EYA4: variants seen among roughly 807,000 people sequenced by gnomAD.
The protein encoded by EYA4 is EYA transcriptional coactivator and phosphatase 4, also known as protein phosphatase EYA4.
In EYA4, 31 loss-of-function variants were observed where a neutral mutation model predicts 87.9. The observed-to-expected ratio is 0.35, with a 90% CI of 0.27 to 0.48. EYA4 has a LOEUF of 0.48. Ranked by LOEUF, EYA4 falls within the 20% of genes least tolerant of loss-of-function variation. EYA4 has a pLI of 0.99. For missense variants in EYA4, 678 were observed against 761.4 expected (o/e 0.89, Z 1.29); for synonymous variants, 263 against 270.6 (o/e 0.97, Z 0.28).
chr6:133,339,004 A>C (rs936812666), intron 2 of EYA4, among the ~76,000 whole-genome samples: 1 of 152,312 alleles, frequency 6.6e-6, no homozygotes, highest in African/African-American at 2.4e-5. Context: ...TATCGTTATC[A>C]GTAAACCTTA....
chr6:133,375,161 T>C (rs147189095), intron 2 of EYA4, among the ~76,000 whole-genome samples: 2 of 152,076 alleles, frequency 1.3e-5, no homozygotes, highest in African/African-American at 4.8e-5. Flanking sequence ...AGAAAGTGCA[T>C]CTCCAAGTTT....
chr6:133,507,523 C>T (rs1562499563), intron 14 of EYA4, among the ~76,000 whole-genome samples: 1 of 152,156 alleles, frequency 6.6e-6, no homozygotes, highest in Admixed American at 6.5e-5. Flanking sequence ...TATCCCTCTC[C>T]TAGCCCTCCA....
intron 1 of EYA4, among the ~76,000 whole-genome samples, chr6:133,272,607 G>A (rs974477844): frequency 6.6e-6 from 1 of 152,204 alleles, no homozygotes; most frequent in African/African-American, 2.4e-5. Context: ...ATCTGTAGAA[G>A]ATGGTTGGGC....
intron 17 of EYA4, among the ~76,000 whole-genome samples, chr6:133,515,653 G>T (rs1799538245): frequency 7.4e-6 from 1 of 134,814 alleles, no homozygotes; most frequent in Non-Finnish European, 1.6e-5. Context: ...GTGTGTGTGT[G>T]TGTTGGGATG....
chr6:133,439,088 G>T, intron 3 of EYA4, among the ~76,000 whole-genome samples: 1 of 140,734 alleles, frequency 7.1e-6, no homozygotes, highest in African/African-American at 2.6e-5. Flanking sequence ...TCTTTGGGTT[G>T]GGCGAGTCTA....
chr6:133,518,218 T>G (rs1278257812), intron 17 of EYA4, among the ~76,000 whole-genome samples: 1 of 151,772 alleles, frequency 6.6e-6, no homozygotes, highest in African/African-American at 2.4e-5. Context: ...GATGATTACA[T>G]TATTAGATTA....
intron 3 of EYA4, among the ~76,000 whole-genome samples, chr6:133,440,479 G>A (rs1306100947): frequency 6.6e-6 from 1 of 152,054 alleles, no homozygotes; most frequent in Non-Finnish European, 1.5e-5. Context: ...AGAAGAACGT[G>A]TACACAAATG....
At chr6:133,465,346 T>A (rs1156804898) in intron 10 of EYA4, among the ~76,000 whole-genome samples, 1 of 152,142 alleles carries the variant, frequency 6.6e-6, no homozygotes, top group Non-Finnish European at 1.5e-5. Context: ...TTTAAATAAT[T>A]TTTCTGTTTT....
chr6:133,456,684 T>C (rs767007709), intron 6 of EYA4, 36 bp downstream of exon 6: 29 of 1,248,242 alleles, frequency 2.3e-5, no homozygotes, highest in Non-Finnish European at 3.3e-5. Context: ...TACGTACACA[T>C]GGGGGTGCAT....
chr6:133,377,967 A>G (rs921429829), intron 2 of EYA4, among the ~76,000 whole-genome samples: 2 of 90,380 alleles, frequency 2.2e-5, no homozygotes, highest in Non-Finnish European at 5.1e-5. Flanking sequence ...GTAGATTTAT[A>G]TTATGTTCAC....
intron 11 of EYA4, among the ~76,000 whole-genome samples, chr6:133,473,765 A>G (rs1562462355): frequency 6.6e-6 from 1 of 151,846 alleles, no homozygotes; most frequent in African/African-American, 2.4e-5. Flanking sequence ...CTCCCTGGGT[A>G]TCTGTACCCC....
chr6:133,440,684 A>G (rs1792185577), intron 3 of EYA4, among the ~76,000 whole-genome samples: 1 of 152,208 alleles, frequency 6.6e-6, no homozygotes, highest in East Asian at 1.9e-4. Context: ...AAGATGCTGT[A>G]CAAGCTAAAA....
chr6:133,519,157 T>G (rs1195215153), intron 17 of EYA4, among the ~76,000 whole-genome samples: 1 of 150,064 alleles, frequency 6.7e-6, no homozygotes, highest in Non-Finnish European at 1.5e-5. Flanking sequence ...AGAGCAGAAC[T>G]GAAGGAAATA....
chr6:133,401,656 A>C (rs1302295051), intron 3 of EYA4, among the ~76,000 whole-genome samples: 1 of 152,128 alleles, frequency 6.6e-6, no homozygotes, highest in Middle Eastern at 3.2e-3. Context: ...TCATCGTTTA[A>C]CCCCGAAATC....
intron 3 of EYA4, among the ~76,000 whole-genome samples, chr6:133,393,212 T>C (rs1787452987): frequency 6.6e-6 from 1 of 152,182 alleles, no homozygotes; most frequent in African/African-American, 2.4e-5. Context: ...ACTTCATGCT[T>C]GGCCAACTCT....
At chr6:133,244,785 G>A (rs1034993071) in intron 1 of EYA4, among the ~76,000 whole-genome samples, 3 of 151,956 alleles carry the variant, frequency 2.0e-5, no homozygotes, top group Admixed American at 6.5e-5. Flanking sequence ...GACTGATGTC[G>A]TGTCTAAAAA....
At chr6:133,283,209 G>A (rs1339380424) in intron 2 of EYA4, among the ~76,000 whole-genome samples, 1 of 151,942 alleles carries the variant, frequency 6.6e-6, no homozygotes, top group African/African-American at 2.4e-5. Context: ...CATGAGAATT[G>A]CTTGAACCCG....
At chr6:133,502,327 C>T (rs1193665871) in intron 13 of EYA4, 1 of 152,114 alleles carries the variant, frequency 6.6e-6, no homozygotes, top group African/African-American at 2.4e-5. Flanking sequence ...AGACCCTAAA[C>T]TCAACATTCA....
intron 1 of EYA4, among the ~76,000 whole-genome samples, chr6:133,251,090 A>G (rs778304278): frequency 6.6e-6 from 1 of 152,220 alleles, no homozygotes; most frequent in Non-Finnish European, 1.5e-5. Flanking sequence ...GGCATTGGCC[A>G]TTTACGTTGT....
Sources: gnomAD v4.1 joint callset for allele counts (sites outside exome capture counted in the v4.1 genomes callset) on GRCh38, gnomAD v4.1.1 for gene constraint, MANE v1.5 for transcripts, NCBI Gene and HGNC (gene_info 2026-07-23, HGNC 2026-07-21) for gene names.